Variants in ACSS3 observed in about 807,000 individuals in gnomAD.
The protein encoded by ACSS3 is acyl-CoA synthetase short-chain family member 3, mitochondrial.
Under a neutral mutation model 84.2 loss-of-function variants are expected in ACSS3, and 64 were observed. The observed-to-expected ratio is 0.76, with a 90% CI of 0.62 to 0.94. ACSS3 has a LOEUF of 0.94. Among genes scored for constraint, ACSS3 ranks in the 40% least tolerant of loss-of-function variants. The pLI is 0.00. For missense variants in ACSS3, 815 were observed against 867.6 expected, an observed-to-expected ratio of 0.94 and a Z score of 0.76; for synonymous variants, 317 against 310.1, an observed-to-expected ratio of 1.02 and a Z score of -0.23.
At chr12:81,175,055 G>C in intron 8 of ACSS3, 116 bp downstream of exon 8, 2 of 1,151,626 alleles carry the variant, frequency 1.7e-6, no homozygotes, top group Non-Finnish European at 1.2e-6. Flanking sequence ...AAAAGATTCA[G>C]AGTGTTATTA....
Position 81,255,021 on chromosome 12 carries a change from C to T in ACSS3, c.*99C>T, listed in dbSNP as rs1011617230. ...GAAATAAATATTTCAGTAGAAATTA[C>T]TTGCAAAATGAAATGTGAATTGTAA... On this transcript the variant is annotated 3_prime_UTR_variant, in exon 16 of 16. Transcript: ENST00000548058. 6 of 1,110,692 alleles carry T rather than the reference C, an allele frequency of 5.4e-6. No individual in the cohort carries two copies. The African/African-American group carries it at 8.1e-5, about 15-fold the overall frequency. The allele number at this position is 1,110,692 out of a possible 1,614,324, so 68.8% of individuals were successfully genotyped here.
At position 81,078,485 on chromosome 12, in the gene ACSS3, G is replaced by A. The variant is rs1337704324; in HGVS notation, c.311+54G>A. ...CCCCATCCCTGGTAACTTTTTGGGC[G>A]CCAGGACCTCCCTGGGACCTGGAAT... On this transcript the variant is annotated intron_variant, in intron 1 of 15. Coordinates refer to ENST00000548058, the MANE Select transcript of ACSS3 (RefSeq NM_024560.4). The A allele has an allele frequency of 3.1e-6, 5 of 1,589,656 alleles. No individual in the cohort carries two copies. The African/African-American group carries it at 4.1e-5, about 13-fold the overall frequency.
intron 5 of ACSS3, among the ~76,000 whole-genome samples, chr12:81,145,001 C>T (rs1191411819): frequency 1.4e-5 from 2 of 147,238 alleles, no homozygotes; most frequent in South Asian, 2.2e-4. Context: ...CCCGGGTTCA[C>T]GCCATTCTCG....
At chr12:81,178,476 A>T (rs1270847158) in intron 8 of ACSS3, among the ~76,000 whole-genome samples, 3 of 44,632 alleles carry the variant, frequency 6.7e-5, no homozygotes, top group East Asian at 3.3e-4. Context: ...ATAATAAAAT[A>T]AAAAAAAACA....
intron 3 of ACSS3, among the ~76,000 whole-genome samples, chr12:81,138,302 T>C (rs1453067497): frequency 1.3e-5 from 2 of 152,224 alleles, no homozygotes; most frequent in Admixed American, 6.5e-5. Context: ...CCAAGCACTG[T>C]GCTAGGTATA....
At chr12:81,195,604 T>C (rs769828286) in intron 8 of ACSS3, among the ~76,000 whole-genome samples, 36 of 152,170 alleles carry the variant, frequency 2.4e-4, no homozygotes, top group South Asian at 1.7e-3. Context: ...GGTTTTTTTT[T>C]CCTAGTCTCT....
In ACSS3 at chr12:81,139,284, T is replaced by A. The variant is rs1885963870; in HGVS notation, c.780+19T>A. 2 of 1,612,814 alleles carry A rather than the reference T, an allele frequency of 1.2e-6. No individual in the cohort carries two copies. The highest frequency in any genetic ancestry group is 2.7e-5 in the African/African-American group (2 of 74,890). On this transcript the variant is annotated intron_variant, in intron 4 of 15. Coordinates refer to ENST00000548058, the MANE Select transcript of ACSS3 (RefSeq NM_024560.4). Reference sequence around the variant, plus strand: ...AAATATGGTAATCTGAATATTGAATTTGGTTCTTGCTTATGGTAATATGCT... The same window carrying A: ...AAATATGGTAATCTGAATATTGAATATGGTTCTTGCTTATGGTAATATGCT...
intron 11 of ACSS3, among the ~76,000 whole-genome samples, chr12:81,225,405 T>C (rs554355527): frequency 6.6e-6 from 1 of 151,886 alleles, no homozygotes; most frequent in African/African-American, 2.4e-5. Context: ...CAATTTCATA[T>C]CTTGCTTTTC....
intron 9 of ACSS3, among the ~76,000 whole-genome samples, chr12:81,215,911 A>C (rs2032895260): frequency 6.6e-6 from 1 of 152,152 alleles, no homozygotes; most frequent in Admixed American, 6.5e-5. Flanking sequence ...CATTTTTGTC[A>C]ATCATTGCAG....
intron 2 of ACSS3, among the ~76,000 whole-genome samples, chr12:81,118,419 G>A (rs1039792974): frequency 3.9e-5 from 6 of 152,262 alleles, no homozygotes; most frequent in South Asian, 2.1e-4. Context: ...TCTTGGGAAG[G>A]TGGAGGAGGA....
At chr12:81,229,531 A>G (rs2033385612) in intron 11 of ACSS3, among the ~76,000 whole-genome samples, 1 of 151,936 alleles carries the variant, frequency 6.6e-6, no homozygotes, top group South Asian at 2.1e-4. Context: ...AAACTGATGT[A>G]GTGATGTTAT....
At chr12:81,119,705 C>A (rs1276244602) in intron 2 of ACSS3, among the ~76,000 whole-genome samples, 1 of 152,162 alleles carries the variant, frequency 6.6e-6, no homozygotes, top group Non-Finnish European at 1.5e-5. Context: ...CGCAGGCAGT[C>A]AGACCTTATG....
chr12:81,133,028 A>T (rs1360732687), intron 2 of ACSS3, among the ~76,000 whole-genome samples: 1 of 152,012 alleles, frequency 6.6e-6, no homozygotes, highest in African/African-American at 2.4e-5. Flanking sequence ...TCTTTCTCAT[A>T]ATCTTCTGCT....
At chr12:81,175,056 A>G (rs563376662) in intron 8 of ACSS3, 117 bp downstream of exon 8, 1 of 1,104,664 alleles carries the variant, frequency 9.1e-7, no homozygotes, top group East Asian at 2.7e-5. Flanking sequence ...AAAGATTCAG[A>G]GTGTTATTAA....
At chr12:81,144,093 A>G (rs1196712989) in intron 5 of ACSS3, among the ~76,000 whole-genome samples, 1 of 152,212 alleles carries the variant, frequency 6.6e-6, no homozygotes, top group Non-Finnish European at 1.5e-5. Flanking sequence ...TTGCTATAGC[A>G]TCAGTGTTCT....
At chr12:81,208,859 G>A (rs923724886) in intron 9 of ACSS3, among the ~76,000 whole-genome samples, 1 of 152,050 alleles carries the variant, frequency 6.6e-6, no homozygotes, top group African/African-American at 2.4e-5. Flanking sequence ...CTTTATACAT[G>A]CTGCAATTTC....
chr12:81,251,670 A>AAAAG (rs2034157589), intron 13 of ACSS3, among the ~76,000 whole-genome samples: 1 of 105,202 alleles, frequency 9.5e-6, no homozygotes, highest in Non-Finnish European at 2.1e-5. Flanking sequence ...CATCTCTACA[A>AAAAG]AAAAAAAAAA....
chr12:81,150,039 T>C (rs1035490446), intron 5 of ACSS3, among the ~76,000 whole-genome samples: 1 of 152,308 alleles, frequency 6.6e-6, no homozygotes, highest in Non-Finnish European at 1.5e-5. Flanking sequence ...TTTGTCAACT[T>C]ATCCTTTACA....
intron 2 of ACSS3, among the ~76,000 whole-genome samples, chr12:81,116,259 G>C (rs970101638): frequency 1.3e-5 from 2 of 151,886 alleles, no homozygotes; most frequent in African/African-American, 4.8e-5. Flanking sequence ...ATTTTGAGAG[G>C]ACTTAATATA....
Sources: allele counts gnomAD v4.1 joint callset (sites outside exome capture counted in the v4.1 genomes callset), GRCh38; gene constraint gnomAD v4.1.1; transcripts MANE v1.5; gene names NCBI Gene and HGNC (gene_info 2026-07-23, HGNC 2026-07-21).